SNAP25: variants seen among roughly 807,000 people sequenced by gnomAD.
SNAP25 encodes synaptosome associated protein 25, also known as synaptosomal-associated protein 25.
In SNAP25, 3 loss-of-function variants were observed where a neutral mutation model predicts 28.7. The observed-to-expected ratio is 0.10, with a 90% confidence interval of 0.05 to 0.27. The LOEUF is 0.27. Among genes scored for constraint, SNAP25 ranks in the 10% least tolerant of loss-of-function variants. The pLI is 1.00. For missense variants in SNAP25, 117 were observed against 278.7 expected, an observed-to-expected ratio of 0.42 and a Z score of 4.13; for synonymous variants, 61 against 88.1, an observed-to-expected ratio of 0.69 and a Z score of 1.72.
At chr20:10,231,751 C>T (rs750988293) in intron 1 of SNAP25, 6 of 152,110 alleles carry the variant, frequency 3.9e-5, no homozygotes, top group African/African-American at 7.2e-5. Context: ...ACCAATATGA[C>T]CCTCAAAGGA....
intron 1 of SNAP25, among the ~76,000 whole-genome samples, chr20:10,222,998 C>T (rs753982573): frequency 2.6e-5 from 4 of 152,162 alleles, no homozygotes; most frequent in African/African-American, 7.2e-5. Context: ...TGGTGCTGAA[C>T]ACTCTCTTGC....
At chr20:10,297,986 A>G (rs2064150968) in intron 6 of SNAP25, among the ~76,000 whole-genome samples, 1 of 148,930 alleles carries the variant, frequency 6.7e-6, no homozygotes. Flanking sequence ...ATTTCCTTTA[A>G]AAAAAAAAAA....
At chr20:10,227,473 T>C (rs769000653) in intron 1 of SNAP25, among the ~76,000 whole-genome samples, 1 of 152,152 alleles carries the variant, frequency 6.6e-6, no homozygotes. Flanking sequence ...TCAAATGTTA[T>C]GATCAGAATA....
At chr20:10,301,409 CT>C (rs34752599) in intron 7 of SNAP25, among the ~76,000 whole-genome samples, 9 of 152,094 alleles carry the variant, frequency 5.9e-5, no homozygotes, top group African/African-American at 2.2e-4. Context: ...TAAATAGCCC[CT>C]TTTTTTTCCA....
rs527789316 is a variant in SNAP25 at position 10,246,992 on chromosome 20, C to CACTG, written c.-64+28018_-64+28021dup. On this transcript the variant is annotated intron_variant, in intron 1 of 7. Coordinates refer to ENST00000254976, the MANE Select transcript of SNAP25 (RefSeq NM_130811.4). ...GTGATGATCATAACATTGTTATGAGCACTGACACACATAAAGAAGTTAGAC... is the reference window on the plus strand; with the variant it reads ...GTGATGATCATAACATTGTTATGAGCACTGACTGACACACATAAAGAAGTTAGAC... Among the ~76,000 whole-genome samples the CACTG allele has an allele frequency of 2.0e-3, 311 of 152,148 alleles. 4 individuals carry two copies. Among genetic ancestry groups the CACTG allele is most frequent in the Middle Eastern group, 3.4e-3 (1 of 292 alleles).
chr20:10,258,789 G>C (rs988183420), intron 1 of SNAP25, among the ~76,000 whole-genome samples: 1 of 152,142 alleles, frequency 6.6e-6, no homozygotes, highest in African/African-American at 2.4e-5. Context: ...AATCACTTCA[G>C]AGACACTTTA....
At chr20:10,241,595 G>A (rs2063034851) in intron 1 of SNAP25, among the ~76,000 whole-genome samples, 1 of 152,110 alleles carries the variant, frequency 6.6e-6, no homozygotes, top group Non-Finnish European at 1.5e-5. Flanking sequence ...GTGGTCGAGA[G>A]AGACGGGTCA....
At chr20:10,254,817 T>G (rs1176789250) in intron 1 of SNAP25, among the ~76,000 whole-genome samples, 2 of 152,200 alleles carry the variant, frequency 1.3e-5, no homozygotes, top group African/African-American at 4.8e-5. Flanking sequence ...GAAAATTATT[T>G]TTTAATGCAC....
intron 1 of SNAP25, among the ~76,000 whole-genome samples, chr20:10,253,775 G>GACA (rs1328357804): frequency 1.2e-4 from 18 of 152,288 alleles, no homozygotes; most frequent in South Asian, 4.2e-4. Flanking sequence ...CAAGCTGTCT[G>GACA]GCAGTTGTAG....
intron 1 of SNAP25, among the ~76,000 whole-genome samples, chr20:10,258,678 A>G (rs969979906): frequency 8.5e-5 from 13 of 152,186 alleles, no homozygotes; most frequent in Non-Finnish European, 1.6e-4. Context: ...AAATTTACCC[A>G]CTAGGGTAGT....
At chr20:10,257,688 T>G (rs4813924) in intron 1 of SNAP25, among the ~76,000 whole-genome samples, 134,257 of 150,798 alleles carry the variant, frequency 0.89, 59,765 homozygotes, top group Middle Eastern at 0.96. Context: ...TCCAGCCTGG[T>G]CAACAAGAGC....
chr20:10,264,282 ACC>A (rs2063469044), intron 1 of SNAP25, among the ~76,000 whole-genome samples: 1 of 152,140 alleles, frequency 6.6e-6, no homozygotes, highest in Non-Finnish European at 1.5e-5. Context: ...CTCAGAAGAA[ACC>A]AGATCAAGAC....
At chr20:10,237,224 G>A (rs1490456189) in intron 1 of SNAP25, among the ~76,000 whole-genome samples, 1 of 152,090 alleles carries the variant, frequency 6.6e-6, no homozygotes, top group Non-Finnish European at 1.5e-5. Context: ...CTCTCTCAGA[G>A]AGAGTGTACA....
intron 6 of SNAP25, among the ~76,000 whole-genome samples, chr20:10,297,542 T>G (rs1180534579): frequency 6.6e-6 from 1 of 152,192 alleles, no homozygotes; most frequent in African/African-American, 2.4e-5. Context: ...TAACAAGGAA[T>G]GGTGAAGCAC....
intron 1 of SNAP25, among the ~76,000 whole-genome samples, chr20:10,261,774 T>C (rs1215861163): frequency 6.6e-6 from 1 of 152,098 alleles, no homozygotes; most frequent in Non-Finnish European, 1.5e-5. Flanking sequence ...GAAGAAAACA[T>C]AAGAGGCCCA....
intron 5 of SNAP25, among the ~76,000 whole-genome samples, chr20:10,295,392 G>T (rs990665848): frequency 6.6e-6 from 1 of 152,152 alleles, no homozygotes; most frequent in Non-Finnish European, 1.5e-5. Context: ...AGGAGATGGG[G>T]AGTTGGAAAA....
At chr20:10,302,969 C>T (rs2064275297) in intron 7 of SNAP25, among the ~76,000 whole-genome samples, 1 of 152,080 alleles carries the variant, frequency 6.6e-6, no homozygotes, top group African/African-American at 2.4e-5. Flanking sequence ...ACAGAGTAAC[C>T]TCATGCTCTA....
At chr20:10,258,607 G>T (rs951687841) in intron 1 of SNAP25, among the ~76,000 whole-genome samples, 2 of 152,274 alleles carry the variant, frequency 1.3e-5, no homozygotes, top group African/African-American at 2.4e-5. Context: ...TAATGCAAGC[G>T]CCTTTTAAAT....
At chr20:10,296,750 C>A in intron 5 of SNAP25, 175 bp from the exon 6 acceptor site, 1 of 755,640 alleles carries the variant, frequency 1.3e-6, no homozygotes, top group Non-Finnish European at 2.0e-6. Context: ...TGTTGAGTAG[C>A]TGAGGCATGG....
Sources: gnomAD v4.1 joint callset for allele counts (sites outside exome capture counted in the v4.1 genomes callset) on GRCh38, gnomAD v4.1.1 for gene constraint, MANE v1.5 for transcripts, NCBI Gene and HGNC (gene_info 2026-07-23, HGNC 2026-07-21) for gene names.